ERAP1: variants seen among roughly 807,000 people sequenced by gnomAD.
ERAP1 encodes endoplasmic reticulum aminopeptidase 1, also known as adipocyte-derived leucine aminopeptidase.
Under a neutral mutation model 103.7 loss-of-function variants are expected in ERAP1, and 86 were observed. That is an observed-to-expected ratio of 0.83 (90% CI 0.70 to 0.99). ERAP1 has a LOEUF of 0.99. Among genes scored for constraint, ERAP1 ranks in the 50% least tolerant of loss-of-function variants. The pLI, the probability that ERAP1 is intolerant of heterozygous loss-of-function variation, is 0.00. For missense variants in ERAP1, 1,009 were observed against 1,128.4 expected (o/e 0.89, Z 1.52); for synonymous variants, 398 against 402.4 (o/e 0.99, Z 0.13).
At chr5:96,932,049 G>A in the ERAP1 span, among the ~76,000 whole-genome samples, 1 of 151,890 alleles carries the variant, frequency 6.6e-6, no homozygotes, top group African/African-American at 2.4e-5. Context: ...GCGTTTTTTT[G>A]CTAATGCCTA....
the ERAP1 span, among the ~76,000 whole-genome samples, chr5:96,927,041 T>G: frequency 6.6e-6 from 1 of 152,098 alleles, no homozygotes; most frequent in South Asian, 2.1e-4. Context: ...GGTCTTGAAC[T>G]CCTGAACTCA....
At chr5:96,863,042 CT>C in the ERAP1 span, among the ~76,000 whole-genome samples, 3 of 152,120 alleles carry the variant, frequency 2.0e-5, no homozygotes, top group Non-Finnish European at 4.4e-5. Context: ...TTATGATTCA[CT>C]TATTTTTTTT....
chr5:96,920,733 C>T, the ERAP1 span, among the ~76,000 whole-genome samples: 1 of 152,210 alleles, frequency 6.6e-6, no homozygotes. Context: ...ACAACTTATA[C>T]ATTTACAAAC....
At chr5:96,896,335 A>G in the ERAP1 span, 3 of 1,553,014 alleles carry the variant, frequency 1.9e-6, no homozygotes, top group African/African-American at 4.1e-5. Flanking sequence ...TACAGTGTCA[A>G]ATAGAAACTA....
intron 12 of ERAP1, 92 bp from the exon 13 acceptor site, chr5:96,786,063 A>T: frequency 8.1e-7 from 1 of 1,227,038 alleles, no homozygotes; most frequent in Non-Finnish European, 1.2e-6. Flanking sequence ...ATTAGAGAAG[A>T]GTTTAATACT....
the ERAP1 span, among the ~76,000 whole-genome samples, chr5:96,841,383 T>C: frequency 6.6e-6 from 1 of 152,230 alleles, no homozygotes; most frequent in Admixed American, 6.5e-5. Flanking sequence ...TAGAACTTGT[T>C]GTTTACAACA....
chr5:96,883,369 T>C, the ERAP1 span, among the ~76,000 whole-genome samples: 1 of 152,230 alleles, frequency 6.6e-6, no homozygotes, highest in Non-Finnish European at 1.5e-5. Context: ...ATCACTCATG[T>C]ACACAATTAC....
chr5:96,935,779 G>A, the ERAP1 span: 1 of 223,416 alleles, frequency 4.5e-6, no homozygotes, highest in Non-Finnish European at 8.9e-6. Context: ...GGGATCGGGC[G>A]GGTCGCAGTA....
chr5:96,918,969 G>T, the ERAP1 span: 1 of 152,054 alleles, frequency 6.6e-6, no homozygotes, highest in African/African-American at 2.4e-5. Context: ...AAGGTAGTTT[G>T]GAATAAAGAA....
chr5:96,790,692 C>T (rs1330116664), intron 8 of ERAP1, 49 bp from the exon 9 acceptor site: 2 of 1,509,136 alleles, frequency 1.3e-6, no homozygotes, highest in South Asian at 1.1e-5. Flanking sequence ...ATTGCAGTCT[C>T]ATCTGAAATC....
At chr5:96,763,368 G>A in intron 19 of ERAP1, 2 of 711,022 alleles carry the variant, frequency 2.8e-6, no homozygotes, top group Non-Finnish European at 2.6e-6. Context: ...GCATGTGCAT[G>A]TGCATGTGTG....
the ERAP1 span, chr5:96,912,905 G>C: frequency 4.7e-6 from 4 of 846,290 alleles, no homozygotes; most frequent in Non-Finnish European, 7.2e-6. Flanking sequence ...AATTGAATCA[G>C]AATGTGTATG....
chr5:96,774,507 A>T lies in ERAP1; in HGVS notation c.*1889T>A, dbSNP rs7063. On this transcript the variant is annotated 3_prime_UTR_variant, in exon 19 of 19. Coordinates refer to ENST00000443439, the MANE Select transcript of ERAP1 (RefSeq NM_001040458.3). Reference sequence around the variant, plus strand: ...ACTTAGAGGCAAAGAACAATTTTTTATTATCAAAAAGGTTTCTGCACATTG... The same window carrying T: ...ACTTAGAGGCAAAGAACAATTTTTTTTTATCAAAAAGGTTTCTGCACATTG... 0.29 allele frequency: 282,587 copies of T among 984,688 alleles called. 42,210 individuals carry two copies. The highest frequency in any genetic ancestry group is 0.31 in the Non-Finnish European group (254,742 of 828,142). 61.0% of individuals were successfully genotyped at this position (984,688 alleles called of 1,614,324 possible).
Position 96,774,889 on chromosome 5 carries a change from TA to T in ERAP1, c.*1506del. 1.0e-6 allele frequency: 1 copy of T among 985,038 alleles called. No homozygotes were observed. Among genetic ancestry groups the T allele is most frequent in the Non-Finnish European group, 1.2e-6 (1 of 829,622 alleles). 61.0% of individuals were successfully genotyped at this position (985,038 alleles called of 1,614,324 possible). ...GAAGTCACTCTATTTTGTCGTGTAT[TA>T]GGGGAACACATTTTGACATTTTTCG... On this transcript the variant is annotated 3_prime_UTR_variant, in exon 19 of 19. Coordinates refer to ENST00000443439, the MANE Select transcript of ERAP1 (RefSeq NM_001040458.3).
chr5:96,823,006 G>A, the ERAP1 span: 2 of 454,928 alleles, frequency 4.4e-6, no homozygotes, highest in Admixed American at 2.4e-5. Context: ...AGTTACACAA[G>A]GTTGTAGGAC....
the ERAP1 span, chr5:96,903,651 T>C: frequency 4.2e-6 from 5 of 1,197,584 alleles, no homozygotes; most frequent in Non-Finnish European, 5.8e-6. Context: ...ACATTGGTCA[T>C]TGATTTAATA....
the ERAP1 span, among the ~76,000 whole-genome samples, chr5:96,814,836 G>C: frequency 9.9e-5 from 15 of 152,200 alleles, no homozygotes; most frequent in Non-Finnish European, 1.8e-4. Context: ...AAGTTGAAGA[G>C]ACTTTTAACA....
Position 96,803,746 on chromosome 5 carries a change from C to G in ERAP1, c.181G>C (p.Val61Leu), listed in dbSNP as rs751637643. 2 of 1,614,188 alleles carry G rather than the reference C, an allele frequency of 1.2e-6. No homozygotes were observed. The highest frequency in any genetic ancestry group is 1.7e-6 in the Non-Finnish European group (2 of 1,180,028). The change falls in exon 2 of 19, where the codon GTT becomes CTT. Residue 61 changes from valine (V) to leucine (L), a missense_variant. Coordinates refer to ENST00000443439, the MANE Select transcript of ERAP1 (RefSeq NM_001040458.3). Reference protein sequence around the residue: ...KIRLPEYVIPVHYDLLIHANL... With the variant: ...KIRLPEYVIPLHYDLLIHANL... ...GCATGGATCAAGAGATCATAATGAA[C>G]TGGGATGACGTACTCAGGAAGTCGT...
At chr5:96,882,036 G>A in the ERAP1 span, among the ~76,000 whole-genome samples, 1 of 152,176 alleles carries the variant, frequency 6.6e-6, no homozygotes, top group South Asian at 2.1e-4. Context: ...TTCCCCACTT[G>A]GGTGCTCACT....
Sources: gnomAD v4.1 joint callset for allele counts (sites outside exome capture counted in the v4.1 genomes callset) on GRCh38, gnomAD v4.1.1 for gene constraint, MANE v1.5 for transcripts, NCBI Gene and HGNC (gene_info 2026-07-23, HGNC 2026-07-21) for gene names.